The following KRT82 variants were observed in gnomAD, a reference collection of about 807,000 sequenced individuals.
KRT82 encodes the protein keratin 82.
In KRT82, 44 loss-of-function variants were observed where a neutral mutation model predicts 48.0. The ratio of observed to expected loss-of-function variants is 0.92; its 90% CI spans 0.72 to 1.18. The LOEUF (loss-of-function observed/expected upper bound fraction) is 1.18. Ranked by LOEUF, KRT82 falls within the 50% of genes most tolerant of loss-of-function variation. The pLI is 0.00. For missense variants in KRT82, 701 were observed against 671.4 expected (o/e 1.04, Z -0.49); for synonymous variants, 297 against 278.3 (o/e 1.07, Z -0.67).
Position 52,405,902 on chromosome 12 carries a change from A to C in KRT82, c.376T>G (p.Cys126Gly), listed in dbSNP as rs199757983. The stretch of plus-strand genomic sequence containing the variant: ...AAAGATGCGAAACGGTTGTTGAGGC[A>C]CTTGATCTGCTCCTTCTCATCCCTC... ...VKRDEKEQIK[C>G]LNNRFASFIN... Residue 126 changes from cysteine (C) to glycine (G), a missense_variant, in exon 1 of 9, where the codon TGC becomes GGC. Physicochemically the swap from Cys to Gly is radical, Grantham distance 159 (BLOSUM62 -3). Coordinates refer to ENST00000257974, the MANE Select transcript of KRT82 (RefSeq NM_033033.4). The C allele has an allele frequency of 6.2e-7, 1 of 1,613,846 alleles. No homozygotes were observed. Among genetic ancestry groups the C allele is most frequent in the Non-Finnish European group, 8.5e-7 (1 of 1,179,826 alleles).
At chr12:52,405,777 A>C (rs1002132848) in intron 1 of KRT82, 90 bp downstream of exon 1, 14 of 1,350,004 alleles carry the variant, frequency 1.0e-5, no homozygotes, top group Non-Finnish European at 1.4e-5. Context: ...CCTCAATGTC[A>C]GTCTCCTCCT....
At chr12:52,400,204 G>A (rs1339215091) in intron 4 of KRT82, 55 bp from the exon 5 acceptor site, 13 of 1,551,816 alleles carry the variant, frequency 8.4e-6, no homozygotes, top group Middle Eastern at 1.7e-4. Flanking sequence ...CCGGGGACAG[G>A]AGAAGGGGAG....
At chr12:52,400,749 C>T (rs747109859) in intron 3 of KRT82, 127 bp from the exon 4 acceptor site, 17 of 661,350 alleles carry the variant, frequency 2.6e-5, no homozygotes, top group Non-Finnish European at 4.0e-5. Flanking sequence ...GTGATGGAGC[C>T]GAGGTGGGGA....
Position 52,395,741 on chromosome 12 carries a change from C to A in KRT82, c.1321+18G>T. On this transcript the variant is annotated intron_variant, in intron 8 of 8. Coordinates refer to ENST00000257974, the MANE Select transcript of KRT82 (RefSeq NM_033033.4). ...CCCCAAGACTCCAGAGCCAGTGGGG[C>A]ATGGCTCATCTACTTACAGATATTC... 6.4e-7 allele frequency: 1 copy of A among 1,556,178 alleles called. No homozygotes were observed.
At chr12:52,400,310 G>C (rs1939771408) in intron 4 of KRT82, among the ~76,000 whole-genome samples, 161 bp from the exon 5 acceptor site, 1 of 152,210 alleles carries the variant, frequency 6.6e-6, no homozygotes, top group Non-Finnish European at 1.5e-5. Flanking sequence ...CCACCCTCTG[G>C]TTGCCCAGAG....
Position 52,403,769 on chromosome 12 carries a change from G to C in KRT82, c.552C>G (p.Ser184=), listed in dbSNP as rs144174481. The change falls in exon 2 of 9, where the codon TCC becomes TCG. Residue 184 remains serine (S), a synonymous_variant. Transcript: ENST00000257974. ...SALRRQLDCV[S]GDRVRLESEL... ...CTGACTCTAGCCTCACGCGGTCCCC[G>C]GACACACAGTCCAGCTGCCGCCGAA... 1.2e-6 allele frequency: 2 copies of C among 1,613,412 alleles called. No homozygotes were observed. Among genetic ancestry groups the C allele is most frequent in the African/African-American group, 1.3e-5 (1 of 75,046 alleles).
Position 52,396,989 on chromosome 12 carries a change from G to A in KRT82, c.962C>T (p.Thr321Ile), listed in dbSNP as rs376052947. The A allele has an allele frequency of 4.3e-6, 7 of 1,613,822 alleles. No individual in the cohort carries two copies. In the African/African-American group the frequency reaches 9.3e-5, roughly 22 times the overall value. Residue 321 changes from threonine to isoleucine, a missense_variant, in exon 6 of 9, where the codon ACA becomes ATA. Transcript: ENST00000257974. ...GAGGTTGTCACAGTGGTTCCCAGCT[G>A]TGACTCTCAGCTCCTCATACTGCCA... Reference protein sequence around the residue: ...YQCRYEELRVTAGNHCDNLRN... With the variant: ...YQCRYEELRVIAGNHCDNLRN...
chr12:52,403,910 C>T lies in KRT82; in HGVS notation c.412-1G>A. 1 of 1,613,210 alleles carries T rather than the reference C, an allele frequency of 6.2e-7. No homozygotes were observed. The highest frequency in any genetic ancestry group is 8.5e-7 in the Non-Finnish European group (1 of 1,179,734). On this transcript the variant is annotated splice_acceptor_variant, in intron 1 of 8. Coordinates refer to ENST00000257974, the MANE Select transcript of KRT82 (RefSeq NM_033033.4). LOFTEE classifies it high-confidence loss of function. The stretch of plus-strand genomic sequence containing the variant: ...TGTTCTTCTGCTCCAGGAAACGGAC[C>T]TGCAGCCAAGAATGGAATATCACCA...
At position 52,394,128 on chromosome 12, in the gene KRT82, C is replaced by T. The variant is rs1939672197; in HGVS notation, c.*847G>A. ...AGCTGGGGCAGCCCCACATCACTGT[C>T]ATATCAGACTCAAAGCAAAAGGAGC... is the stretch of plus-strand genomic sequence containing the variant. On this transcript the variant is annotated 3_prime_UTR_variant, in exon 9 of 9. Transcript: ENST00000257974. 1 of 152,272 alleles carries T rather than the reference C, an allele frequency of 6.6e-6. No homozygotes were observed. Among genetic ancestry groups the T allele is most frequent in the Non-Finnish European group, 1.5e-5 (1 of 68,128 alleles). The allele number at this position is 152,272 out of a possible 1,614,324, so 9.4% of individuals were successfully genotyped here. A position where few individuals can be genotyped will look rare whatever the true frequency, so the allele number is the denominator to read the frequency against.
chr12:52,405,812 C>A, intron 1 of KRT82, 55 bp downstream of exon 1: 1 of 1,537,730 alleles, frequency 6.5e-7, no homozygotes, highest in South Asian at 1.3e-5. Flanking sequence ...AGAACAAGAC[C>A]AGACCCCAGA....
chr12:52,395,020 G>A lies in KRT82; in HGVS notation c.1497C>T (p.Ser499=). The change falls in exon 9 of 9, where the codon AGC becomes AGT. Residue 499 remains serine, a synonymous_variant. Coordinates refer to ENST00000257974, the MANE Select transcript of KRT82 (RefSeq NM_033033.4). The stretch of plus-strand genomic sequence containing the variant: ...AGCTGCCCCCAGCTCCTAGCGTCAT[G>A]CTGGATTTCCGCCCGCTCCCACAGC... ...LLSCGSGRKS[S]MTLGAGGSSP... The A allele has an allele frequency of 6.2e-7, 1 of 1,613,900 alleles. No homozygotes were observed. Among genetic ancestry groups the A allele is most frequent in the South Asian group, 1.1e-5 (1 of 91,076 alleles).
intron 8 of KRT82, 58 bp from the exon 9 acceptor site, chr12:52,395,253 C>T: frequency 7.0e-7 from 1 of 1,423,022 alleles, no homozygotes; most frequent in Non-Finnish European, 9.7e-7. Context: ...CAGTGTACTG[C>T]CCTGAAACTA....
At position 52,396,360 on chromosome 12, in the gene KRT82, G is replaced by A. The variant is rs561537557; in HGVS notation, c.1069-128C>T. ...CATTTGCGAGCTTCATCCTAGGATTGCGACATCTGGTTCCTCCAGGGAACT... is the reference window on the plus strand; with the variant it reads ...CATTTGCGAGCTTCATCCTAGGATTACGACATCTGGTTCCTCCAGGGAACT... On this transcript the variant is annotated intron_variant, in intron 6 of 8. Coordinates refer to ENST00000257974, the MANE Select transcript of KRT82 (RefSeq NM_033033.4). 44 of 819,138 alleles carry A rather than the reference G, an allele frequency of 5.4e-5. No homozygotes were observed. The African/African-American group carries it at 7.2e-4, about 13-fold the overall frequency. 50.7% of individuals were successfully genotyped at this position (819,138 alleles called of 1,614,324 possible). A position where few individuals can be genotyped will look rare whatever the true frequency, so the allele number is the denominator to read the frequency against.
intron 5 of KRT82, among the ~76,000 whole-genome samples, chr12:52,398,732 A>G (rs1939747785): frequency 1.3e-5 from 2 of 151,862 alleles, no homozygotes; most frequent in South Asian, 4.2e-4. Flanking sequence ...ACTTCCAACC[A>G]CCATGGAGCT....
chr12:52,399,138 C>T (rs960099069), intron 5 of KRT82, among the ~76,000 whole-genome samples: 1 of 152,206 alleles, frequency 6.6e-6, no homozygotes, highest in Non-Finnish European at 1.5e-5. Flanking sequence ...GCTGGCCACC[C>T]TAATTGAAAC....
At chr12:52,405,707 T>G (rs937400387) in intron 1 of KRT82, among the ~76,000 whole-genome samples, 160 bp downstream of exon 1, 1 of 152,238 alleles carries the variant, frequency 6.6e-6, no homozygotes, top group African/African-American at 2.4e-5. Flanking sequence ...CTGATCTAAC[T>G]GGCTTTCAAA....
chr12:52,399,632 C>T (rs905944470), intron 5 of KRT82, among the ~76,000 whole-genome samples: 7 of 152,222 alleles, frequency 4.6e-5, no homozygotes, highest in Non-Finnish European at 8.8e-5. Flanking sequence ...AAGCTTAGAG[C>T]CCTCTTTGCC....
Position 52,396,022 on chromosome 12 carries a change from C to T in KRT82, c.1279G>A (p.Glu427Lys), listed in dbSNP as rs1304207977. ...CCTGGAGGAGCTCACCTGTGCTCTT[C>T]ACCCTCCAGCAGGCGCCTGTAGGTG... The part of the protein sequence containing the change: ...IATYRRLLEG[E>K]EHRLCEGIGP... The change falls in exon 7 of 9, where the codon GAA becomes AAA. Residue 427 changes from glutamate (E) to lysine (K), a missense_variant. Coordinates refer to ENST00000257974, the MANE Select transcript of KRT82 (RefSeq NM_033033.4). 17 of 1,613,946 alleles carry T rather than the reference C, an allele frequency of 1.1e-5. No individual in the cohort carries two copies. Among genetic ancestry groups the T allele is most frequent in the Non-Finnish European group, 1.4e-5 (16 of 1,180,038 alleles).
rs376701589 is a variant in KRT82 at position 52,395,784 on chromosome 12, G to A, written c.1296C>T (p.Cys432=). 7.1e-6 allele frequency: 11 copies of A among 1,551,854 alleles called. No homozygotes were observed. The African/African-American group carries it at 1.4e-4, about 19-fold the overall frequency. ...RLLEGEEHRL[C]EGIGPVNISV... Reference sequence around the variant, plus strand: ...AGATATTCACGGGCCCGATGCCTTCGCACAGCCTGGGGATGAGAGGAAAAA... The same window carrying A: ...AGATATTCACGGGCCCGATGCCTTCACACAGCCTGGGGATGAGAGGAAAAA... Residue 432 remains cysteine (C), a synonymous_variant, in exon 8 of 9, where the codon TGC becomes TGT. Coordinates refer to ENST00000257974, the MANE Select transcript of KRT82 (RefSeq NM_033033.4).
Sources: allele counts gnomAD v4.1 joint callset (sites outside exome capture counted in the v4.1 genomes callset), GRCh38; gene constraint gnomAD v4.1.1; transcripts MANE v1.5; gene names NCBI Gene and HGNC (gene_info 2026-07-23, HGNC 2026-07-21).